The following TENM4 variants were observed in gnomAD, a reference collection of about 807,000 sequenced individuals.
TENM4 encodes the protein teneurin-4.
Under a neutral mutation model 243.3 loss-of-function variants are expected in TENM4, and 82 were observed. The observed-to-expected ratio is 0.34, with a 90% confidence interval of 0.28 to 0.40. The LOEUF (loss-of-function observed/expected upper bound fraction) is 0.40. Among genes scored for constraint, TENM4 ranks in the 10% least tolerant of loss-of-function variants. The pLI, the probability that TENM4 is intolerant of heterozygous loss-of-function variation, is 1.00. For missense variants in TENM4, 3,138 were observed against 3,673.3 expected, an observed-to-expected ratio of 0.85 and a Z score of 3.77; for synonymous variants, 1,412 against 1,456.3, an observed-to-expected ratio of 0.97 and a Z score of 0.69.
At chr11:78,688,337 G>T (rs1858736904) in intron 28 of TENM4, 111 bp from the exon 29 acceptor site, 3 of 1,209,860 alleles carry the variant, frequency 2.5e-6, no homozygotes, top group Non-Finnish European at 3.5e-6. Context: ...TTTCTTTCTG[G>T]CTGGATACAT....
At chr11:79,063,832 G>A (rs965522576) in intron 6 of TENM4, among the ~76,000 whole-genome samples, 28 of 152,204 alleles carry the variant, frequency 1.8e-4, no homozygotes, top group Non-Finnish European at 2.5e-4. Context: ...CAGGCCTTGG[G>A]AACGAGCCTC....
chr11:79,184,546 TG>T (rs1863348267), intron 3 of TENM4, among the ~76,000 whole-genome samples: 1 of 9,642 alleles, frequency 1.0e-4, no homozygotes, highest in African/African-American at 3.9e-4. Flanking sequence ...GGTAGGGGTG[TG>T]GGGGTGGAGG....
At chr11:79,124,887 A>ATGTGTGTGTGTGTGTG (rs750326710) in intron 4 of TENM4, among the ~76,000 whole-genome samples, 2 of 74,456 alleles carry the variant, frequency 2.7e-5, no homozygotes, top group Non-Finnish European at 6.3e-5. Context: ...ATATATGTAT[A>ATGTGTGTGTGTGTGTG]TGTATATGTG....
intron 1 of TENM4, among the ~76,000 whole-genome samples, chr11:79,310,291 T>C (rs1040036747): frequency 2.6e-5 from 4 of 152,218 alleles, no homozygotes; most frequent in African/African-American, 9.6e-5. Flanking sequence ...AGACACCATC[T>C]TGATATTAAG....
chr11:78,695,473 C>T (rs1430359485), intron 28 of TENM4, among the ~76,000 whole-genome samples: 1 of 152,116 alleles, frequency 6.6e-6, no homozygotes, highest in Middle Eastern at 3.2e-3. Flanking sequence ...AAGTGATTCT[C>T]CTGCCTCAGC....
In TENM4 at chr11:78,889,889, G is replaced by T. The variant is rs1484251845; in HGVS notation, c.980C>A (p.Ala327Asp). The change falls in exon 9 of 34, where the codon GCC (alanine) becomes GAC (aspartate). Residue 327 changes from alanine to aspartate, a missense_variant. Ala to Asp is a moderately radical substitution (Grantham distance 126). This residue lies in a region of TENM4 where 671 missense variants were observed against 614.1 expected (regional missense o/e 1.09). Coordinates refer to ENST00000278550, the MANE Select transcript of TENM4 (RefSeq NM_001098816.3). Reference protein sequence around the residue: ...PLPRSTFARPAFNLKKPSKYC... With the variant: ...PLPRSTFARPDFNLKKPSKYC... ...CTTGGAGGGCTTCTTGAGGTTAAAGGCCGGCCGGGCGAAGGTGCTGCGGGG... is the reference window on the plus strand; with the variant it reads ...CTTGGAGGGCTTCTTGAGGTTAAAGTCCGGCCGGGCGAAGGTGCTGCGGGG... 1 of 1,551,822 alleles carries T rather than the reference G, an allele frequency of 6.4e-7. No individual in the cohort carries two copies. The highest frequency in any genetic ancestry group is 8.7e-7 in the Non-Finnish European group (1 of 1,147,022).
chr11:78,742,616 T>A (rs1855955017), intron 19 of TENM4, among the ~76,000 whole-genome samples: 1 of 152,202 alleles, frequency 6.6e-6, no homozygotes, highest in Non-Finnish European at 1.5e-5. Context: ...CTAGGTGAAC[T>A]CTGCCAGGAG....
chr11:79,069,082 G>A (rs978257602), intron 5 of TENM4, among the ~76,000 whole-genome samples: 1 of 152,120 alleles, frequency 6.6e-6, no homozygotes, highest in African/African-American at 2.4e-5. Context: ...TAAGAAGAAT[G>A]GATTTGAATA....
chr11:78,741,946 T>C (rs1378903477), intron 19 of TENM4, among the ~76,000 whole-genome samples: 1 of 152,202 alleles, frequency 6.6e-6, no homozygotes, highest in Non-Finnish European at 1.5e-5. Flanking sequence ...TCATGGTCAC[T>C]GTCTTGGTGT....
chr11:78,799,854 A>T (rs531443080), intron 15 of TENM4, among the ~76,000 whole-genome samples: 4 of 152,236 alleles, frequency 2.6e-5, no homozygotes, highest in Admixed American at 6.5e-5. Flanking sequence ...GGAATAAAAT[A>T]TAGGGAGAGG....
intron 20 of TENM4, among the ~76,000 whole-genome samples, chr11:78,735,528 C>G (rs1281440079): frequency 2.0e-5 from 3 of 152,156 alleles, no homozygotes; most frequent in Non-Finnish European, 4.4e-5. Flanking sequence ...GGCAGCTGGC[C>G]TTGCCAAGAG....
intron 6 of TENM4, among the ~76,000 whole-genome samples, chr11:78,999,871 A>G (rs1055570737): frequency 1.3e-5 from 2 of 152,188 alleles, no homozygotes; most frequent in Admixed American, 1.3e-4. Context: ...TAATTATTAA[A>G]CTTCCCCTTA....
chr11:79,025,557 G>T (rs981275283), intron 6 of TENM4, among the ~76,000 whole-genome samples: 8 of 149,396 alleles, frequency 5.4e-5, no homozygotes, highest in Non-Finnish European at 6.0e-5. Context: ...CTTTGGCAAG[G>T]ATAGATACTC....
At chr11:79,337,331 T>C (rs1857163765) in intron 1 of TENM4, among the ~76,000 whole-genome samples, 1 of 152,198 alleles carries the variant, frequency 6.6e-6, no homozygotes, top group Non-Finnish European at 1.5e-5. Flanking sequence ...AACTGTTCCA[T>C]CCACAGCCCA....
At chr11:78,700,178 A>G (rs1859069987) in intron 28 of TENM4, among the ~76,000 whole-genome samples, 1 of 152,226 alleles carries the variant, frequency 6.6e-6, no homozygotes, top group Non-Finnish European at 1.5e-5. Flanking sequence ...GAAAAACTTT[A>G]AAGAGTCAGG....
intron 1 of TENM4, among the ~76,000 whole-genome samples, chr11:79,423,644 G>A (rs1195498893): frequency 6.6e-6 from 1 of 151,194 alleles, no homozygotes. Context: ...CCAGAACAAG[G>A]GGCGAGTCTA....
Position 78,658,284 on chromosome 11 carries a change from C to A in TENM4, c.8084G>T (p.Arg2695Leu). Residue 2695 changes from arginine to leucine, a missense_variant, in exon 34 of 34, where the codon CGG becomes CTG. Transcript: ENST00000278550. ...EEKARVLELARQRAVRQAWAR... is the reference protein window; with the variant it reads ...EEKARVLELALQRAVRQAWAR... ...CCACGCTTGGCGCACGGCTCTCTGCCGGGCCAGCTCCAGGACCCGTGCCTT... is the reference window on the plus strand; with the variant it reads ...CCACGCTTGGCGCACGGCTCTCTGCAGGGCCAGCTCCAGGACCCGTGCCTT... The A allele has an allele frequency of 6.2e-7, 1 of 1,612,764 alleles. No homozygotes were observed. Among genetic ancestry groups the A allele is most frequent in the African/African-American group, 1.3e-5 (1 of 75,032 alleles).
chr11:79,028,025 T>A (rs1245486604), intron 6 of TENM4, among the ~76,000 whole-genome samples: 1 of 152,108 alleles, frequency 6.6e-6, no homozygotes, highest in Admixed American at 6.6e-5. Context: ...TAGATTGTAG[T>A]GGTTAAAGGT....
intron 1 of TENM4, among the ~76,000 whole-genome samples, chr11:79,307,386 C>G (rs931815883): frequency 2.0e-5 from 3 of 152,176 alleles, no homozygotes; most frequent in African/African-American, 7.2e-5. Context: ...AAGCTAGAAA[C>G]CTAGGTCACT....
Sources: gnomAD v4.1 joint callset for allele counts (sites outside exome capture counted in the v4.1 genomes callset) on GRCh38, gnomAD v4.1.1 for gene constraint, gnomAD v4.1.1 regional missense constraint, MANE v1.5 for transcripts, NCBI Gene and HGNC (gene_info 2026-07-23, HGNC 2026-07-21) for gene names.